Variants in PKD1 observed in about 807,000 individuals in gnomAD.
PKD1 encodes the protein polycystin 1, transient receptor potential channel interacting, also known as polycystin-1.
Under a neutral mutation model 361.7 loss-of-function variants are expected in PKD1, and 81 were observed. The observed-to-expected ratio is 0.22, with a 90% CI of 0.19 to 0.27. The LOEUF (loss-of-function observed/expected upper bound fraction) is 0.27, where lower values mean the gene tolerates loss of function less well. PKD1 is among the 10% of genes least tolerant of loss of function. PKD1 has a pLI of 1.00. For missense variants in PKD1, 6,399 were observed against 6,118.3 expected (o/e 1.05, Z -1.53); for synonymous variants, 3,615 against 2,818.3 (o/e 1.28, Z -8.95).
chr16:2,106,891 C>T lies in PKD1; in HGVS notation c.7123G>A (p.Ala2375Thr), dbSNP rs1209780469. The T allele has an allele frequency of 6.4e-7, 1 of 1,558,346 alleles. No individual in the cohort carries two copies. Among genetic ancestry groups the T allele is most frequent in the Non-Finnish European group, 8.7e-7 (1 of 1,148,556 alleles). ...CGGCTCACTTCGTACACGGCCTGTGCCTTGCAGGACACACACTCCAAGGAC... is the reference window on the plus strand; with the variant it reads ...CGGCTCACTTCGTACACGGCCTGTGTCTTGCAGGACACACACTCCAAGGAC... ...IVSLECVSCK[A>T]QAVYEVSRSS... Residue 2375 changes from alanine (A) to threonine (T), a missense_variant, in exon 17 of 46, where the codon GCA becomes ACA. Physicochemically the swap from Ala to Thr is moderately conservative, Grantham distance 58. Transcript: ENST00000262304. This position sits in a 1 kb window ranked among gnomAD's most constrained non-coding sequence, Gnocchi z 6.5.
At chr16:2,097,071 C>CG in intron 34 of PKD1, 77 bp downstream of exon 34, 1 of 910,756 alleles carries the variant, frequency 1.1e-6, no homozygotes, top group South Asian at 1.4e-5. Flanking sequence ...CTACCCCAGG[C>CG]GGGAACCACG....
chr16:2,117,605 C>T lies in PKD1; in HGVS notation c.1269G>A (p.Val423=). The stretch of plus-strand genomic sequence containing the variant: ...CCTGCAGCCAGGCCGCCTTCTCCAC[C>T]ACCAGGCGGTAGCAGTGCCCGTTGC... ...FPGNGHCYRL[V]VEKAAWLQAQ... is the part of the protein sequence containing the mutation. Residue 423 remains valine (V), a synonymous_variant, in exon 6 of 46, where the codon GTG becomes GTA. Transcript: ENST00000262304. 6.2e-7 allele frequency: 1 copy of T among 1,610,182 alleles called. No homozygotes were observed. Among genetic ancestry groups the T allele is most frequent in the Non-Finnish European group, 8.5e-7 (1 of 1,179,408 alleles).
chr16:2,119,201 G>T lies in PKD1; in HGVS notation c.288-16C>A. The T allele has an allele frequency of 1.9e-6, 3 of 1,562,562 alleles. No homozygotes were observed. The highest frequency in any genetic ancestry group is 1.7e-6 in the Non-Finnish European group (2 of 1,150,356). On this transcript the variant is annotated splice_polypyrimidine_tract_variant and intron_variant, in intron 2 of 45. Transcript: ENST00000262304. ...GCTTATATCCCTGGAAGAGACGGGGGATTCGGCAAAGCTGATGGAAGCCCC... is the reference window on the plus strand; with the variant it reads ...GCTTATATCCCTGGAAGAGACGGGGTATTCGGCAAAGCTGATGGAAGCCCC...
chr16:2,121,355 T>C (rs1313873500), intron 1 of PKD1, among the ~76,000 whole-genome samples: 1 of 144,702 alleles, frequency 6.9e-6, no homozygotes, highest in Non-Finnish European at 1.5e-5. Flanking sequence ...CCTGCAAGAG[T>C]GAAGCTCCAT....
rs1367789298 is a variant in PKD1 at position 2,100,587 on chromosome 16, G to A, written c.9398-21C>T. On this transcript the variant is annotated intron_variant, in intron 26 of 45. Transcript: ENST00000262304. The surrounding 1 kb of genome is among the most constrained non-coding windows in gnomAD (Gnocchi z 4.4). ...GGTACCTGGGAGGCAAGAGGGAGGG[G>A]TGGGAGGCTCGGTCTGCTGCCCAAC... 2 of 1,604,452 alleles carry A rather than the reference G, an allele frequency of 1.2e-6. No homozygotes were observed. The highest frequency in any genetic ancestry group is 2.2e-5 in the East Asian group (1 of 44,820).
Position 2,110,677 on chromosome 16 carries a change from C to T in PKD1, c.4490G>A (p.Ser1497Asn), listed in dbSNP as rs766554827. The T allele has an allele frequency of 6.8e-6, 11 of 1,610,326 alleles. No homozygotes were observed. The Admixed American group carries it at 1.8e-4, about 27-fold the overall frequency. ...FSAVGRGRPASYLWDLGDGGW... is the reference protein window; with the variant it reads ...FSAVGRGRPANYLWDLGDGGW... ...ACCGTCCCCCAGATCCCACAGGTAG[C>T]TGGCGGGGCGCCCACGGCCCACAGC... The change falls in exon 15 of 46, where the codon AGC becomes AAC. Residue 1497 changes from serine (S) to asparagine (N), a missense_variant. Physicochemically the swap from Ser to Asn is conservative, Grantham distance 46. Transcript: ENST00000262304.
intron 30 of PKD1, 30 bp from the exon 31 acceptor site, chr16:2,098,014 G>A (rs4018144): frequency 4.9e-5 from 65 of 1,316,630 alleles, no homozygotes; most frequent in African/African-American, 7.2e-5. Context: ...GTCAGCGGGC[G>A]GCAGCTCAGA....
Position 2,106,969 on chromosome 16 carries a change from C to T in PKD1, c.7066-21G>A. The stretch of plus-strand genomic sequence containing the variant: ...AGCACCTGGCGTGGGAGTGGGGTTA[C>T]CTCCAACACAGGTCTATTTGGCCTG... On this transcript the variant is annotated intron_variant, in intron 16 of 45. Transcript: ENST00000262304. This position sits in a 1 kb window ranked among gnomAD's most constrained non-coding sequence, Gnocchi z 6.5. 2 of 1,580,518 alleles carry T rather than the reference C, an allele frequency of 1.3e-6. No homozygotes were observed. Among genetic ancestry groups the T allele is most frequent in the Non-Finnish European group, 1.7e-6 (2 of 1,167,184 alleles).
Position 2,112,912 on chromosome 16 carries a change from C to A in PKD1, c.3037G>T (p.Val1013Leu). The A allele has an allele frequency of 6.2e-7, 1 of 1,606,186 alleles. No individual in the cohort carries two copies. The change falls in exon 13 of 46, where the codon GTG (valine) becomes TTG (leucine). Residue 1013 changes from valine to leucine, a missense_variant. By Grantham distance (32) the Val-to-Leu change is conservative. Coordinates refer to ENST00000262304, the MANE Select transcript of PKD1 (RefSeq NM_001009944.3). ...CCCTGCATCCTGTTCATCCGCTCCA[C>A]GGTTACGTTGTAGTTCACGGTGACG... Reference protein sequence around the residue: ...SNVTVNYNVTVERMNRMQGLQ... With the variant: ...SNVTVNYNVTLERMNRMQGLQ...
At chr16:2,092,294 G>T in intron 39 of PKD1, 106 bp from the exon 40 acceptor site, 2 of 1,265,836 alleles carry the variant, frequency 1.6e-6, no homozygotes, top group Non-Finnish European at 2.2e-6. Context: ...GCCACCCCAG[G>T]GAACCCTCCC....
rs201780393 is a variant in PKD1, at chr16:2,099,931, C to T, written c.9853G>A (p.Val3285Ile). 79 of 1,562,398 alleles carry T rather than the reference C, an allele frequency of 5.1e-5. No individual in the cohort carries two copies. Among genetic ancestry groups the T allele is most frequent in the Admixed American group, 5.7e-5 (3 of 52,304 alleles). The change falls in exon 29 of 46, where the codon GTT becomes ATT. Residue 3285 changes from valine (V) to isoleucine (I), a missense_variant. Val to Ile is a conservative substitution (Grantham distance 29, BLOSUM62 3). Transcript: ENST00000262304. ...FTRIQRATCC[V>I]LLICLFLGAN... ...CCCAGGAAGAGGCAGATGAGGAGAA[C>T]GCAGCAGGTGGCCCTCTGGATGCGA...
At chr16:2,091,683 T>G in intron 41 of PKD1, 86 bp from the exon 42 acceptor site, 1 of 1,564,702 alleles carries the variant, frequency 6.4e-7, no homozygotes, top group Non-Finnish European at 8.6e-7. Flanking sequence ...TGAGGGGCTG[T>G]GGAAGCCGCC....
In PKD1 at chr16:2,093,795, C is replaced by T. The variant is rs1166877060; in HGVS notation, c.10821+16G>A. ...CGTGATGGAGGCCTGTAGCCTACCC[C>T]TGGCAGCCCCCTCACCTTCAGTGGC... On this transcript the variant is annotated intron_variant, in intron 36 of 45. Coordinates refer to ENST00000262304, the MANE Select transcript of PKD1 (RefSeq NM_001009944.3). 3 of 1,554,298 alleles carry T rather than the reference C, an allele frequency of 1.9e-6. No homozygotes were observed. The highest frequency in any genetic ancestry group is 2.4e-5 in the East Asian group (1 of 41,574).
At chr16:2,092,623 CCTA>C in intron 38 of PKD1, 31 bp from the exon 39 acceptor site, 2 of 1,466,334 alleles carry the variant, frequency 1.4e-6, no homozygotes, top group Non-Finnish European at 1.9e-6. Flanking sequence ...CGCTCCAGCC[CCTA>C]CTGCCCCATG....
chr16:2,090,266 C>G lies in PKD1; in HGVS notation c.12444+19G>C, dbSNP rs201970421. On this transcript the variant is annotated intron_variant, in intron 45 of 45. Transcript: ENST00000262304. Reference sequence around the variant, plus strand: ...GAGCCCAGGGCGTGTCCCTCTCCCCCCCACTGGGCCGTACCCACCTCCTTG... The same window carrying G: ...GAGCCCAGGGCGTGTCCCTCTCCCCGCCACTGGGCCGTACCCACCTCCTTG... 8 of 1,608,204 alleles carry G rather than the reference C, an allele frequency of 5.0e-6. No individual in the cohort carries two copies. Among genetic ancestry groups the G allele is most frequent in the Middle Eastern group, 1.7e-4 (1 of 6,046 alleles).
At position 2,114,538 on chromosome 16, in the gene PKD1, G is replaced by A; in HGVS notation, c.2485C>T (p.Pro829Ser). 1 of 1,594,376 alleles carries A rather than the reference G, an allele frequency of 6.3e-7. No homozygotes were observed. The highest frequency in any genetic ancestry group is 8.5e-7 in the Non-Finnish European group (1 of 1,178,966). The change falls in exon 11 of 46, where the codon CCT (proline) becomes TCT (serine). Residue 829 changes from proline (P) to serine (S), a missense_variant. Coordinates refer to ENST00000262304, the MANE Select transcript of PKD1 (RefSeq NM_001009944.3). The stretch of plus-strand genomic sequence containing the variant: ...TAGAGGCGGCCGTCGCGGGGGGCAG[G>A]GTAGATGACCCGCAGCCCAGCCACT... ...SPVAGLRVIY[P>S]APRDGRLYVP...
In PKD1 at chr16:2,090,492, G is replaced by C. The variant is rs372534935; in HGVS notation, c.12237C>G (p.Ser4079=). 10 of 1,611,592 alleles carry C rather than the reference G, an allele frequency of 6.2e-6. No homozygotes were observed. The African/African-American group carries it at 1.2e-4, about 19-fold the overall frequency. Residue 4079 remains serine, a synonymous_variant, in exon 45 of 46, where the codon TCC becomes TCG. Coordinates refer to ENST00000262304, the MANE Select transcript of PKD1 (RefSeq NM_001009944.3). ...CACACAGCAGGGGTGACAGGTGCCA[G>C]GACTCGGCAGGACACAGGGTAGAGA... is the stretch of plus-strand genomic sequence containing the variant. ...TGLSTLCPAE[S]WHLSPLLCVG...
In PKD1 at chr16:2,111,644, G is replaced by T; in HGVS notation, c.3523C>A (p.Pro1175Thr). Residue 1175 changes from proline (P) to threonine (T), a missense_variant, in exon 15 of 46, where the codon CCG (proline) becomes ACG (threonine). Physicochemically the swap from Pro to Thr is conservative, Grantham distance 38. Transcript: ENST00000262304. ...GAGGCATAGGTGTGGTTGGCAGCCG[G>T]CTGGCTCTGGGTCAGGACAGGGGAG... Reference protein sequence around the residue: ...DGSPVLTQSQPAANHTYASRG... With the variant: ...DGSPVLTQSQTAANHTYASRG... 2 of 1,573,406 alleles carry T rather than the reference G, an allele frequency of 1.3e-6. No individual in the cohort carries two copies. Among genetic ancestry groups the T allele is most frequent in the Non-Finnish European group, 8.6e-7 (1 of 1,160,812 alleles).
chr16:2,117,835 T>C lies in PKD1; in HGVS notation c.1157A>G (p.Glu386Gly). Residue 386 changes from glutamate to glycine, a missense_variant, in exon 5 of 46, where the codon GAG (glutamate) becomes GGG (glycine). Physicochemically the swap from Glu to Gly is moderately conservative, Grantham distance 98. Transcript: ENST00000262304. ...CAGGGCCACGATGCTGTAGGCGGCCTCCAGGCCTGAACCACCGCGGTTCTG... is the reference window on the plus strand; with the variant it reads ...CAGGGCCACGATGCTGTAGGCGGCCCCCAGGCCTGAACCACCGCGGTTCTG... ...SIQNRGGSGLEAAYSIVALGE... is the reference protein window; with the variant it reads ...SIQNRGGSGLGAAYSIVALGE... 2 of 1,298,006 alleles carry C rather than the reference T, an allele frequency of 1.5e-6. No individual in the cohort carries two copies. Among genetic ancestry groups the C allele is most frequent in the South Asian group, 2.5e-5 (2 of 80,040 alleles). 80.4% of individuals were successfully genotyped at this position (1,298,006 alleles called of 1,614,324 possible). A position where few individuals can be genotyped will look rare whatever the true frequency, so the allele number is the denominator to read the frequency against.
Sources: allele counts gnomAD v4.1 joint callset (sites outside exome capture counted in the v4.1 genomes callset), GRCh38; gene constraint gnomAD v4.1.1; non-coding constraint Gnocchi (gnomAD v3.1); transcripts MANE v1.5; gene names NCBI Gene and HGNC (gene_info 2026-07-23, HGNC 2026-07-21).